YES1: variants seen among roughly 807,000 people sequenced by gnomAD.
YES1 encodes tyrosine-protein kinase Yes.
YES1 carries 39 observed loss-of-function variants against 70.4 expected under a neutral mutation model. That is an observed-to-expected ratio of 0.55 (90% CI 0.43 to 0.72). YES1 has a LOEUF of 0.72. Among genes scored for constraint, YES1 ranks in the 30% least tolerant of loss-of-function variants. YES1 has a pLI of 0.00. For missense variants in YES1, 495 were observed against 644.8 expected (o/e 0.77, Z 2.52); for synonymous variants, 198 against 218.6 (o/e 0.91, Z 0.83).
intron 1 of YES1, among the ~76,000 whole-genome samples, chr18:806,246 G>C (rs558659299): frequency 6.6e-6 from 1 of 152,016 alleles, no homozygotes; most frequent in East Asian, 1.9e-4. Context: ...CACTAAAATA[G>C]TACAACGTAT....
intron 1 of YES1, among the ~76,000 whole-genome samples, chr18:799,664 CT>C (rs1015814013): frequency 6.6e-6 from 1 of 152,152 alleles, no homozygotes; most frequent in African/African-American, 2.4e-5. Flanking sequence ...GATCGCGCCA[CT>C]GCATTCCAGC....
intron 10 of YES1, among the ~76,000 whole-genome samples, chr18:735,100 T>A (rs1458260363): frequency 7.0e-6 from 1 of 142,184 alleles, no homozygotes; most frequent in East Asian, 2.1e-4. Context: ...GAGGTTGCAG[T>A]GAGCTGAGAT....
chr18:755,744 T>G (rs2080398501), intron 2 of YES1, among the ~76,000 whole-genome samples: 2 of 152,140 alleles, frequency 1.3e-5, no homozygotes. Flanking sequence ...AGAATAGAGA[T>G]AAAGAAATCT....
rs545917060 is a variant in YES1 at position 759,555 on chromosome 18, G to A, written c.-8-2720C>T. ...TATGAGTTCTGCATCCATGGATTCA[G>A]CCAAGATTCAAAAGTTTCAGAAAAA... On this transcript the variant is annotated intron_variant, in intron 1 of 11. Transcript: ENST00000314574. Among the ~76,000 whole-genome samples the A allele has an allele frequency of 1.2e-4, 18 of 152,230 alleles. 1 individual carries two copies. Among genetic ancestry groups the A allele is most frequent in the South Asian group, 1.0e-3 (5 of 4,820 alleles).
chr18:732,705 G>C (rs760470971), intron 11 of YES1, 129 bp downstream of exon 11: 6 of 1,220,318 alleles, frequency 4.9e-6, no homozygotes, highest in African/African-American at 1.5e-5. Flanking sequence ...GGGAAGGAGT[G>C]GGGAGAGGGA....
chr18:760,298 T>C (rs915500559), intron 1 of YES1, among the ~76,000 whole-genome samples: 3 of 152,028 alleles, frequency 2.0e-5, no homozygotes, highest in African/African-American at 4.8e-5. Flanking sequence ...GGTGAAACCC[T>C]GCCTCTACTA....
intron 11 of YES1, among the ~76,000 whole-genome samples, chr18:731,164 G>C (rs1298498750): frequency 6.6e-6 from 1 of 152,168 alleles, no homozygotes; most frequent in African/African-American, 2.4e-5. Flanking sequence ...AATAGATTTT[G>C]AAAGGGTTGC....
rs182313865 is a variant in YES1 at position 759,182 on chromosome 18, C to T, written c.-8-2347G>A. On this transcript the variant is annotated intron_variant, in intron 1 of 11. Transcript: ENST00000314574. ...TTAACTATAAGCATCAAAATATAAC[C>T]GGGGCTAGGCGCGGTGGCTCACGCC... Among the ~76,000 whole-genome samples the T allele has an allele frequency of 4.7e-3, 708 of 152,162 alleles. 1 individual carries two copies. The highest frequency in any genetic ancestry group is 6.2e-3 in the Non-Finnish European group (423 of 68,002).
At chr18:794,394 T>C (rs1020142298) in intron 1 of YES1, among the ~76,000 whole-genome samples, 2 of 152,210 alleles carry the variant, frequency 1.3e-5, no homozygotes, top group Admixed American at 6.5e-5. Flanking sequence ...ACTGTTCAGA[T>C]TAAAGGAGAC....
intron 7 of YES1, 51 bp from the exon 8 acceptor site, chr18:743,148 A>T: frequency 6.5e-7 from 1 of 1,547,120 alleles, no homozygotes; most frequent in South Asian, 1.3e-5. Context: ...ATTTTAGACC[A>T]AACTTCAGTG....
chr18:789,091 G>T (rs12970189), intron 1 of YES1, among the ~76,000 whole-genome samples: 12,993 of 152,168 alleles, frequency 0.085, 749 homozygotes, highest in Non-Finnish European at 0.12. Context: ...ACATGCTTTA[G>T]TTGCTTCTGA....
At chr18:752,928 G>A (rs1305893955) in intron 2 of YES1, among the ~76,000 whole-genome samples, 1 of 152,074 alleles carries the variant, frequency 6.6e-6, no homozygotes, top group South Asian at 2.1e-4. Context: ...GGGTGACACA[G>A]CAAGACTCTG....
chr18:747,134 T>C (rs1369855103), intron 4 of YES1, among the ~76,000 whole-genome samples: 1 of 152,184 alleles, frequency 6.6e-6, no homozygotes, highest in Non-Finnish European at 1.5e-5. Flanking sequence ...AAAATGATAA[T>C]AAATCTCTGA....
At chr18:732,726 G>C in intron 11 of YES1, 108 bp downstream of exon 11, 3 of 1,390,170 alleles carry the variant, frequency 2.2e-6, no homozygotes, top group Non-Finnish European at 3.0e-6. Flanking sequence ...GAGGCAGGGG[G>C]ACTATGAGAA....
intron 1 of YES1, among the ~76,000 whole-genome samples, chr18:788,996 T>C (rs1365589173): frequency 1.3e-5 from 2 of 152,204 alleles, no homozygotes; most frequent in East Asian, 1.9e-4. Context: ...AACTGAATTA[T>C]ATAAAGATTT....
chr18:763,949 GTT>G (rs1904730168), intron 1 of YES1, among the ~76,000 whole-genome samples: 1 of 151,568 alleles, frequency 6.6e-6, no homozygotes, highest in African/African-American at 2.4e-5. Flanking sequence ...GCGAAAACCC[GTT>G]TCTACAAAAA....
chr18:791,806 G>C (rs982377885), intron 1 of YES1, among the ~76,000 whole-genome samples: 16 of 152,102 alleles, frequency 1.1e-4, no homozygotes, highest in African/African-American at 3.6e-4. Flanking sequence ...TGTAATCCCA[G>C]CACTTTGGGA....
chr18:742,252 C>G (rs1568190812), intron 8 of YES1, among the ~76,000 whole-genome samples: 1 of 152,054 alleles, frequency 6.6e-6, no homozygotes, highest in Non-Finnish European at 1.5e-5. Context: ...TTTATCCTCC[C>G]CCTAACTAAC....
chr18:804,419 C>T (rs1290408863), intron 1 of YES1, among the ~76,000 whole-genome samples: 2 of 151,798 alleles, frequency 1.3e-5, no homozygotes, highest in African/African-American at 4.8e-5. Flanking sequence ...ACCAGCCTGG[C>T]CAACATGGTG....
Sources: allele counts gnomAD v4.1 joint callset (sites outside exome capture counted in the v4.1 genomes callset), GRCh38; gene constraint gnomAD v4.1.1; transcripts MANE v1.5; gene names NCBI Gene and HGNC (gene_info 2026-07-23, HGNC 2026-07-21).